Variants in RAPGEF5 observed in about 807,000 individuals in gnomAD.
The protein encoded by RAPGEF5 is Rap guanine nucleotide exchange factor 5.
RAPGEF5 carries 65 observed loss-of-function variants against 125.2 expected under a neutral mutation model. That is an observed-to-expected ratio of 0.52 (90% CI 0.43 to 0.64). The LOEUF is 0.64. RAPGEF5 is among the 30% of genes least tolerant of loss of function. RAPGEF5 has a pLI of 0.00. For missense variants in RAPGEF5, 958 were observed against 1,048.1 expected, an observed-to-expected ratio of 0.91 and a Z score of 1.19; for synonymous variants, 391 against 385.9, an observed-to-expected ratio of 1.01 and a Z score of -0.16.
At chr7:22,219,344 A>T (rs1431315224) in intron 9 of RAPGEF5, among the ~76,000 whole-genome samples, 1 of 151,710 alleles carries the variant, frequency 6.6e-6, no homozygotes, top group Non-Finnish European at 1.5e-5. Flanking sequence ...CTCTTGTTGG[A>T]ACACAAGCCT....
chr7:22,141,587 G>A (rs1783262511), intron 20 of RAPGEF5, among the ~76,000 whole-genome samples: 1 of 152,192 alleles, frequency 6.6e-6, no homozygotes. Context: ...CAGGCCTGGG[G>A]GCATTCTAGA....
chr7:22,236,451 A>C (rs1786191805), intron 7 of RAPGEF5, among the ~76,000 whole-genome samples: 1 of 152,178 alleles, frequency 6.6e-6, no homozygotes, highest in African/African-American at 2.4e-5. Flanking sequence ...AATTGATTTA[A>C]TACGGCGTGA....
At chr7:22,325,870 T>C (rs1783803786) in intron 1 of RAPGEF5, among the ~76,000 whole-genome samples, 1 of 152,216 alleles carries the variant, frequency 6.6e-6, no homozygotes, top group African/African-American at 2.4e-5. Flanking sequence ...AAATTTTATA[T>C]ACTGAATGAT....
chr7:22,155,524 T>C (rs569805546), intron 16 of RAPGEF5, among the ~76,000 whole-genome samples: 1 of 152,340 alleles, frequency 6.6e-6, no homozygotes, highest in South Asian at 2.1e-4. Flanking sequence ...AAATTTTATA[T>C]GCAGTTTAAT....
intron 6 of RAPGEF5, among the ~76,000 whole-genome samples, chr7:22,269,675 T>G (rs553769730): frequency 6.6e-6 from 1 of 152,246 alleles, no homozygotes; most frequent in South Asian, 2.1e-4. Flanking sequence ...TATATGAAAC[T>G]GAATTGAAAA....
intron 24 of RAPGEF5, among the ~76,000 whole-genome samples, chr7:22,130,658 G>C (rs1223180647): frequency 1.3e-5 from 2 of 152,184 alleles, no homozygotes; most frequent in African/African-American, 4.8e-5. Flanking sequence ...CTGAGACACT[G>C]AGAGATGCCT....
intron 5 of RAPGEF5, among the ~76,000 whole-genome samples, chr7:22,299,438 T>C (rs1204833230): frequency 6.6e-6 from 1 of 152,200 alleles, no homozygotes; most frequent in Non-Finnish European, 1.5e-5. Flanking sequence ...CAATTATCTT[T>C]TGTTATAATC....
intron 21 of RAPGEF5, 91 bp from the exon 22 acceptor site, chr7:22,137,074 T>G (rs373761020): frequency 1.1e-6 from 1 of 939,148 alleles, no homozygotes. Flanking sequence ...GTTGTTTATC[T>G]GTGTCACATT....
chr7:22,289,319 G>A (rs561846597), intron 6 of RAPGEF5, among the ~76,000 whole-genome samples: 9 of 152,322 alleles, frequency 5.9e-5, no homozygotes, highest in Admixed American at 4.6e-4. Context: ...ATGAGGCATA[G>A]TAGGAGAATA....
intron 3 of RAPGEF5, chr7:22,314,587 T>C (rs1783548859): frequency 6.2e-6 from 6 of 969,754 alleles, no homozygotes; most frequent in Non-Finnish European, 7.4e-6. Flanking sequence ...TTGGGTGTCA[T>C]GAATCCTGAG....
At chr7:22,186,444 C>T (rs145868108) in intron 11 of RAPGEF5, among the ~76,000 whole-genome samples, 62 of 152,254 alleles carry the variant, frequency 4.1e-4, no homozygotes, top group African/African-American at 1.3e-3. Context: ...TTTTTAAAGA[C>T]ATGGATATAG....
At chr7:22,165,340 TTGTTA>T (rs1366767336) in intron 12 of RAPGEF5, among the ~76,000 whole-genome samples, 2 of 152,174 alleles carry the variant, frequency 1.3e-5, no homozygotes, top group African/African-American at 4.8e-5. Context: ...GGCATCTCAT[TTGTTA>T]TAAGTATATT....
Position 22,119,312 on chromosome 7 carries a change from C to T in RAPGEF5, c.*3094G>A, listed in dbSNP as rs576531261. 6 of 152,168 alleles carry T rather than the reference C, an allele frequency of 3.9e-5. No homozygotes were observed. The highest frequency in any genetic ancestry group is 2.1e-4 in the South Asian group (1 of 4,816). 9.4% of individuals were successfully genotyped at this position (152,168 alleles called of 1,614,324 possible). On this transcript the variant is annotated 3_prime_UTR_variant, in exon 26 of 26. Coordinates refer to ENST00000665637, the MANE Select transcript of RAPGEF5 (RefSeq NM_012294.5). The surrounding 1 kb of genome is among the most constrained non-coding windows in gnomAD (Gnocchi z 4.1). ...GACCTTATCCACATGCTTCTAAATT[C>T]GGTGTATGCTCCACACTACCTGTTT... is the stretch of plus-strand genomic sequence containing the variant.
chr7:22,130,992 A>G (rs770494023), intron 24 of RAPGEF5, 45 bp downstream of exon 24: 1 of 1,533,610 alleles, frequency 6.5e-7, no homozygotes, highest in Non-Finnish European at 8.8e-7. Context: ...AAAGGCATAC[A>G]TTTCTGTTAC....
At chr7:22,290,401 G>A (rs1782901958) in intron 6 of RAPGEF5, among the ~76,000 whole-genome samples, 1 of 152,192 alleles carries the variant, frequency 6.6e-6, no homozygotes, top group African/African-American at 2.4e-5. Context: ...TATGAAGAAA[G>A]CCATGAACTT....
chr7:22,189,626 C>T (rs1432663654), intron 11 of RAPGEF5, among the ~76,000 whole-genome samples: 1 of 152,090 alleles, frequency 6.6e-6, no homozygotes. Context: ...TTTGATTTTC[C>T]TCTAACATTT....
chr7:22,210,703 A>G (rs1785489891), intron 9 of RAPGEF5, among the ~76,000 whole-genome samples: 1 of 152,180 alleles, frequency 6.6e-6, no homozygotes, highest in Non-Finnish European at 1.5e-5. Context: ...CAAAGAGGAC[A>G]TTTACAAGGA....
intron 20 of RAPGEF5, among the ~76,000 whole-genome samples, chr7:22,144,263 G>T (rs866536611): frequency 1.1e-4 from 17 of 152,296 alleles, no homozygotes; most frequent in South Asian, 6.2e-4. Context: ...TTCTTTGAAA[G>T]CGAACACAGC....
intron 9 of RAPGEF5, among the ~76,000 whole-genome samples, chr7:22,213,752 C>T (rs911448907): frequency 2.0e-4 from 30 of 152,298 alleles, no homozygotes; most frequent in African/African-American, 7.2e-4. Flanking sequence ...CTAGTTGTGA[C>T]TTTCAATTCT....
Sources: allele counts gnomAD v4.1 joint callset (sites outside exome capture counted in the v4.1 genomes callset), GRCh38; gene constraint gnomAD v4.1.1; non-coding constraint Gnocchi (gnomAD v3.1); transcripts MANE v1.5; gene names NCBI Gene and HGNC (gene_info 2026-07-23, HGNC 2026-07-21).